The following SCNN1B variants were observed in gnomAD, a reference collection of about 807,000 sequenced individuals.
SCNN1B encodes sodium channel epithelial 1 subunit beta.
In SCNN1B, 46 loss-of-function variants were observed where a neutral mutation model predicts 65.3. That is an observed-to-expected ratio of 0.70 (90% CI 0.56 to 0.90). SCNN1B has a LOEUF of 0.90. Among genes scored for constraint, SCNN1B ranks in the 40% least tolerant of loss-of-function variants. SCNN1B has a pLI of 0.00. For missense variants in SCNN1B, 751 were observed against 830.5 expected (o/e 0.90, Z 1.18); for synonymous variants, 349 against 330.6 (o/e 1.06, Z -0.60).
At chr16:23,303,955 AC>A (rs1288374803) in intron 1 of SCNN1B, 1 of 833,162 alleles carries the variant, frequency 1.2e-6, no homozygotes, top group East Asian at 2.6e-5. Flanking sequence ...GGTACAACCC[AC>A]CTATGTCATT....
intron 1 of SCNN1B, among the ~76,000 whole-genome samples, chr16:23,305,562 ATATATATATATATAT>A (rs1961190556): frequency 4.2e-4 from 18 of 42,486 alleles, no homozygotes; most frequent in East Asian, 9.7e-4. Flanking sequence ...ATATATATAT[ATATATATATATATAT>A]TATATATATA....
intron 1 of SCNN1B, among the ~76,000 whole-genome samples, chr16:23,282,458 T>A (rs1960796828): frequency 6.6e-6 from 1 of 152,178 alleles, no homozygotes; most frequent in Non-Finnish European, 1.5e-5. Flanking sequence ...CTTGCCAAGA[T>A]TCACAAAGCA....
At chr16:23,320,895 T>C (rs903180997) in intron 1 of SCNN1B, among the ~76,000 whole-genome samples, 12 of 152,072 alleles carry the variant, frequency 7.9e-5, no homozygotes, top group African/African-American at 2.7e-4. Context: ...CCCAGAGCCA[T>C]CTCCTCAACT....
intron 4 of SCNN1B, among the ~76,000 whole-genome samples, chr16:23,356,438 A>G (rs1019086906): frequency 6.6e-6 from 1 of 152,120 alleles, no homozygotes; most frequent in African/African-American, 2.4e-5. Flanking sequence ...CAGCCTGAGC[A>G]ACATAGCGAG....
chr16:23,314,102 C>G (rs1187192381), intron 1 of SCNN1B, among the ~76,000 whole-genome samples: 1 of 152,188 alleles, frequency 6.6e-6, no homozygotes, highest in Non-Finnish European at 1.5e-5. Context: ...TCACTGCAGC[C>G]TCAACATCCC....
intron 2 of SCNN1B, among the ~76,000 whole-genome samples, chr16:23,291,584 TA>T (rs909150758): frequency 3.3e-5 from 5 of 151,790 alleles, no homozygotes; most frequent in Admixed American, 6.6e-5. Context: ...TTTTTTATTA[TA>T]TTTTTTTGAG....
At chr16:23,375,907 C>T (rs1263624114) in intron 8 of SCNN1B, 52 bp downstream of exon 8, 5 of 1,255,616 alleles carry the variant, frequency 4.0e-6, no homozygotes, top group Non-Finnish European at 5.9e-6. Flanking sequence ...GCCACAGAGG[C>T]TCTGACCATA....
At chr16:23,300,941 C>T (rs966317000), upstream of SCNN1B, among the ~76,000 whole-genome samples, 1 of 151,914 alleles carries the variant, frequency 6.6e-6, no homozygotes, top group African/African-American at 2.4e-5. Context: ...TTTAGTTTCT[C>T]ATATGGAAAG....
intron 4 of SCNN1B, among the ~76,000 whole-genome samples, chr16:23,357,868 T>C (rs1184353579): frequency 6.6e-6 from 1 of 152,206 alleles, no homozygotes; most frequent in African/African-American, 2.4e-5. Flanking sequence ...ACACCTGCCA[T>C]AAGGCTAGGG....
At chr16:23,310,916 C>T (rs73542356) in intron 1 of SCNN1B, among the ~76,000 whole-genome samples, 9,457 of 152,314 alleles carry the variant, frequency 0.062, 986 homozygotes, top group African/African-American at 0.22. Flanking sequence ...GACTCTCAAA[C>T]TCAGCTGGTG....
At chr16:23,365,598 A>T (rs1962647109) in intron 4 of SCNN1B, among the ~76,000 whole-genome samples, 1 of 62,154 alleles carries the variant, frequency 1.6e-5, no homozygotes, top group South Asian at 8.0e-4. Context: ...AGAAAGAAAG[A>T]AAGAAAGAAA....
intron 3 of SCNN1B, 63 bp from the exon 4 acceptor site, chr16:23,355,236 A>T: frequency 6.5e-7 from 1 of 1,529,770 alleles, no homozygotes; most frequent in Non-Finnish European, 9.1e-7. Context: ...GCCCTCGAGC[A>T]GTGGCTGGGG....
At chr16:23,367,250 G>A (rs1178303419) in intron 4 of SCNN1B, among the ~76,000 whole-genome samples, 5 of 152,286 alleles carry the variant, frequency 3.3e-5, no homozygotes, top group African/African-American at 7.2e-5. Context: ...AGGTGTATAC[G>A]AGACAGATGA....
chr16:23,294,059 G>C (rs1200095678), intron 2 of SCNN1B, among the ~76,000 whole-genome samples: 1 of 151,916 alleles, frequency 6.6e-6, no homozygotes, highest in Admixed American at 6.6e-5. Context: ...ACCTCACTCT[G>C]ATTCAAGACT....
chr16:23,367,115 G>A (rs1019435638), intron 4 of SCNN1B, among the ~76,000 whole-genome samples: 4 of 151,948 alleles, frequency 2.6e-5, no homozygotes, highest in East Asian at 3.9e-4. Flanking sequence ...ATTTGATTTC[G>A]GGCCCACCTG....
chr16:23,344,914 A>G lies in SCNN1B; in HGVS notation c.-8-3678A>G, dbSNP rs541305003. Among the ~76,000 whole-genome samples the G allele has an allele frequency of 3.3e-5, 5 of 152,254 alleles. 1 individual carries two copies. The highest frequency in any genetic ancestry group is 3.3e-4 in the Admixed American group (5 of 15,290). ...GTGGCTAAGGTGGGAGGATCACCTG[A>G]GCCCGGGAGGTGGAGGTTGCAGTGA... On this transcript the variant is annotated intron_variant, in intron 1 of 12. Coordinates refer to ENST00000343070, the MANE Select transcript of SCNN1B (RefSeq NM_000336.3).
rs1057471078 is a variant in SCNN1B at position 23,303,732 on chromosome 16, A to G, written c.-9+1295A>G. Among the ~76,000 whole-genome samples the G allele has an allele frequency of 2.7e-5, 4 of 150,500 alleles. No homozygotes were observed. In the South Asian group the frequency reaches 6.3e-4, roughly 24 times the overall value. The stretch of plus-strand genomic sequence containing the variant: ...GGAGTTTGAGACCAGCCCAGCCTAC[A>G]TGGTGAAACCCCATTTCTACAAAAA... On this transcript the variant is annotated intron_variant, in intron 1 of 12. Coordinates refer to ENST00000343070, the MANE Select transcript of SCNN1B (RefSeq NM_000336.3).
intron 2 of SCNN1B, among the ~76,000 whole-genome samples, chr16:23,289,005 C>T (rs1321745175): frequency 1.3e-5 from 2 of 152,186 alleles, no homozygotes; most frequent in African/African-American, 4.8e-5. Flanking sequence ...GCTAGCAAGA[C>T]AGCAGTGAGC....
At chr16:23,342,329 ACT>A (rs886498667) in intron 1 of SCNN1B, among the ~76,000 whole-genome samples, 2 of 151,942 alleles carry the variant, frequency 1.3e-5, no homozygotes, top group African/African-American at 4.8e-5. Context: ...CTCACTGCAA[ACT>A]CTGCCTCCCA....
Sources: gnomAD v4.1 joint callset for allele counts (sites outside exome capture counted in the v4.1 genomes callset) on GRCh38, gnomAD v4.1.1 for gene constraint, MANE v1.5 for transcripts, NCBI Gene and HGNC (gene_info 2026-07-23, HGNC 2026-07-21) for gene names.